The following RGP1 variants were observed in gnomAD, a reference collection of about 807,000 sequenced individuals.
RGP1 encodes RAB6A-GEF complex partner protein 2.
RGP1 carries 28 observed loss-of-function variants against 44.5 expected under a neutral mutation model. That is an observed-to-expected ratio of 0.63 (90% CI 0.47 to 0.86). RGP1 has a LOEUF of 0.86. Ranked by LOEUF, RGP1 falls within the 40% of genes least tolerant of loss-of-function variation. RGP1 has a pLI of 0.00. For missense variants in RGP1, 417 were observed against 490.7 expected (o/e 0.85, Z 1.42); for synonymous variants, 212 against 196.7 (o/e 1.08, Z -0.65).
At chr9:35,768,508 G>A in the RGP1 span, among the ~76,000 whole-genome samples, 1 of 152,158 alleles carries the variant, frequency 6.6e-6, no homozygotes, top group African/African-American at 2.4e-5. Context: ...GCATCTGAGG[G>A]GTGCAATAGG....
the RGP1 span, among the ~76,000 whole-genome samples, chr9:35,765,125 A>T: frequency 6.6e-6 from 1 of 150,666 alleles, no homozygotes; most frequent in African/African-American, 2.4e-5. Flanking sequence ...TCTGTCTCAA[A>T]AAAAAAAAAA....
chr9:35,783,608 G>A, the RGP1 span, among the ~76,000 whole-genome samples: 1 of 151,898 alleles, frequency 6.6e-6, no homozygotes, highest in Admixed American at 6.6e-5. Flanking sequence ...CTATGCTGCT[G>A]CAAATGACAG....
At position 35,757,212 on chromosome 9, in the gene RGP1, A is replaced by T. The variant is rs959759922; in HGVS notation, c.*4338A>T. ...CTGGCCCTCTGGTGAGTCACAGCCG[A>T]CCCCCGCCGCCGGAGGGAGAGGGGA... is the stretch of plus-strand genomic sequence containing the variant. On this transcript the variant is annotated 3_prime_UTR_variant, in exon 9 of 9. Coordinates refer to ENST00000378078, the MANE Select transcript of RGP1 (RefSeq NM_001080496.3). 1 of 150,794 alleles carries T rather than the reference A, an allele frequency of 6.6e-6. No homozygotes were observed. Among genetic ancestry groups the T allele is most frequent in the Non-Finnish European group, 1.5e-5 (1 of 67,764 alleles). 9.3% of individuals were successfully genotyped at this position (150,794 alleles called of 1,614,324 possible).
At position 35,753,371 on chromosome 9, in the gene RGP1, C is replaced by CA; in HGVS notation, c.*498dup. 7.0e-7 allele frequency: 1 copy of CA among 1,425,546 alleles called. No individual in the cohort carries two copies. The highest frequency in any genetic ancestry group is 2.0e-5 in the Admixed American group (1 of 49,452). 88.3% of individuals were successfully genotyped at this position (1,425,546 alleles called of 1,614,324 possible). ...GTTCCCTCTCTCACAGTTTTCCCCCCACAGAGCCCCTTTCAGTGGCCCCTT... is the reference window on the plus strand; with the variant it reads ...GTTCCCTCTCTCACAGTTTTCCCCCCAACAGAGCCCCTTTCAGTGGCCCCTT... On this transcript the variant is annotated 3_prime_UTR_variant, in exon 9 of 9. Transcript: ENST00000378078. This position sits in a 1 kb window ranked among gnomAD's most constrained non-coding sequence, Gnocchi z 4.2.
the RGP1 span, among the ~76,000 whole-genome samples, chr9:35,783,881 A>G: frequency 2.0e-5 from 3 of 152,210 alleles, no homozygotes; most frequent in Non-Finnish European, 4.4e-5. Context: ...GTTTTTCATT[A>G]TGGCGATACT....
At chr9:35,784,025 T>TC in the RGP1 span, among the ~76,000 whole-genome samples, 6 of 152,232 alleles carry the variant, frequency 3.9e-5, no homozygotes, top group Non-Finnish European at 5.9e-5. Flanking sequence ...GATTTGCATT[T>TC]CCCTGATGAT....
rs1471212523 is a variant in RGP1 at position 35,749,305 on chromosome 9, C to T, written c.-123C>T. 8 of 520,622 alleles carry T rather than the reference C, an allele frequency of 1.5e-5. No individual in the cohort carries two copies. Among genetic ancestry groups the T allele is most frequent in the South Asian group, 4.3e-5 (3 of 70,020 alleles). The allele number at this position is 520,622 out of a possible 1,614,324, so 32.3% of individuals were successfully genotyped here. Reference sequence around the variant, plus strand: ...GAAGGGAAGTCCCGCCTCTACCGCCCAGCGGACGCCGCCGCCGCCGCCGCC... The same window carrying T: ...GAAGGGAAGTCCCGCCTCTACCGCCTAGCGGACGCCGCCGCCGCCGCCGCC... On this transcript the variant is annotated 5_prime_UTR_variant, in exon 1 of 9. Transcript: ENST00000378078. The surrounding 1 kb of genome is among the most constrained non-coding windows in gnomAD (Gnocchi z 4.4).
In RGP1 at chr9:35,755,537, GA is replaced by G. The variant is rs1827346957; in HGVS notation, c.*2664del. The G allele has an allele frequency of 6.6e-6, 1 of 152,300 alleles. No homozygotes were observed. Among genetic ancestry groups the G allele is most frequent in the African/African-American group, 2.4e-5 (1 of 41,440 alleles). 9.4% of individuals were successfully genotyped at this position (152,300 alleles called of 1,614,324 possible). ...ATTTTTCCACCAGTGGATGGAGGGG[GA>G]TAGCAGCGGGGAGATGATTTTGGGA... On this transcript the variant is annotated 3_prime_UTR_variant, in exon 9 of 9. Coordinates refer to ENST00000378078, the MANE Select transcript of RGP1 (RefSeq NM_001080496.3).
At chr9:35,761,596 C>T (rs1365130590), downstream of RGP1, among the ~76,000 whole-genome samples, 1 of 151,938 alleles carries the variant, frequency 6.6e-6, no homozygotes, top group Non-Finnish European at 1.5e-5. Flanking sequence ...ATCACTTGAG[C>T]CTGGGAGGTC....
chr9:35,777,662 C>G, the RGP1 span, among the ~76,000 whole-genome samples: 1 of 152,134 alleles, frequency 6.6e-6, no homozygotes, highest in African/African-American at 2.4e-5. Context: ...AACTCTTCTT[C>G]TTCAGACCTA....
chr9:35,749,487 C>T lies in RGP1; in HGVS notation c.-20+79C>T. The T allele has an allele frequency of 1.5e-6, 1 of 646,132 alleles. No individual in the cohort carries two copies. Among genetic ancestry groups the T allele is most frequent in the Non-Finnish European group, 3.0e-6 (1 of 337,922 alleles). The allele number at this position is 646,132 out of a possible 1,614,324, so 40.0% of individuals were successfully genotyped here. ...AGCGGAGGCCAGTTTGGGAACTCCG[C>T]GGGGGTGCCCAGGGAGAAGAACCCG... On this transcript the variant is annotated intron_variant, in intron 1 of 8. Coordinates refer to ENST00000378078, the MANE Select transcript of RGP1 (RefSeq NM_001080496.3). This position sits in a 1 kb window ranked among gnomAD's most constrained non-coding sequence, Gnocchi z 4.4.
chr9:35,753,169 T>C lies in RGP1; in HGVS notation c.*295T>C. The C allele has an allele frequency of 6.2e-7, 1 of 1,614,060 alleles. No individual in the cohort carries two copies. Among genetic ancestry groups the C allele is most frequent in the East Asian group, 2.2e-5 (1 of 44,874 alleles). On this transcript the variant is annotated 3_prime_UTR_variant, in exon 9 of 9. Coordinates refer to ENST00000378078, the MANE Select transcript of RGP1 (RefSeq NM_001080496.3). This position sits in a 1 kb window ranked among gnomAD's most constrained non-coding sequence, Gnocchi z 4.2. ...CTGAGCCCCATTCTGGGTCAGGCCC[T>C]CCCCCTTTGCAGGGCAGCCGAGGGT...
the RGP1 span, among the ~76,000 whole-genome samples, chr9:35,764,456 T>C: frequency 9.8e-5 from 15 of 152,364 alleles, no homozygotes; most frequent in South Asian, 2.7e-3. Flanking sequence ...CCAGCTACTA[T>C]TGATAACAAA....
downstream of RGP1, among the ~76,000 whole-genome samples, chr9:35,762,812 T>G (rs2132043937): frequency 6.6e-6 from 1 of 151,988 alleles, no homozygotes; most frequent in Admixed American, 6.6e-5. Context: ...TTAAACGTAC[T>G]GGCTTCCTTG....
In RGP1 at chr9:35,751,419, A is replaced by T. The variant is rs764991994; in HGVS notation, c.634+7A>T. Reference sequence around the variant, plus strand: ...ACATCCTGCCGCAGCCTCCGTGAGAATTCTTTCAGAATTGTCCTACCCCAT... The same window carrying T: ...ACATCCTGCCGCAGCCTCCGTGAGATTTCTTTCAGAATTGTCCTACCCCAT... On this transcript the variant is annotated splice_region_variant and intron_variant, in intron 6 of 8. Coordinates refer to ENST00000378078, the MANE Select transcript of RGP1 (RefSeq NM_001080496.3). The T allele has an allele frequency of 6.2e-7, 1 of 1,613,960 alleles. No individual in the cohort carries two copies. The highest frequency in any genetic ancestry group is 1.1e-5 in the South Asian group (1 of 91,078).
intron 3 of RGP1, 100 bp downstream of exon 3, chr9:35,750,479 A>T (rs1827230084): frequency 7.1e-7 from 1 of 1,411,784 alleles, no homozygotes; most frequent in Non-Finnish European, 9.8e-7. Context: ...TTGTTCTTAT[A>T]GTCCCTGTCA....
rs1398213633 is a variant in RGP1, at chr9:35,749,354, G to T, written c.-74G>T. ...CCGCCGCGTACCTAGCCAGGTCCCTGAGGGGCGGGCAGATGAGGCCTAGGG... is the reference window on the plus strand; with the variant it reads ...CCGCCGCGTACCTAGCCAGGTCCCTTAGGGGCGGGCAGATGAGGCCTAGGG... On this transcript the variant is annotated 5_prime_UTR_variant, in exon 1 of 9. Coordinates refer to ENST00000378078, the MANE Select transcript of RGP1 (RefSeq NM_001080496.3). The surrounding 1 kb of genome is among the most constrained non-coding windows in gnomAD (Gnocchi z 4.4). 1.9e-6 allele frequency: 1 copy of T among 539,362 alleles called. No individual in the cohort carries two copies. The highest frequency in any genetic ancestry group is 3.8e-6 in the Non-Finnish European group (1 of 263,512). 33.4% of individuals were successfully genotyped at this position (539,362 alleles called of 1,614,324 possible). A position where few individuals can be genotyped will look rare whatever the true frequency, so the allele number is the denominator to read the frequency against.
Position 35,753,118 on chromosome 9 carries a change from A to G in RGP1, c.*244A>G. 1 of 1,614,068 alleles carries G rather than the reference A, an allele frequency of 6.2e-7. No homozygotes were observed. The highest frequency in any genetic ancestry group is 8.5e-7 in the Non-Finnish European group (1 of 1,179,926). On this transcript the variant is annotated 3_prime_UTR_variant, in exon 9 of 9. Transcript: ENST00000378078. This position sits in a 1 kb window ranked among gnomAD's most constrained non-coding sequence, Gnocchi z 4.2. ...GTTGAGTTTAGCTGGAGTGGGGAGC[A>G]GGAGCCCCAGGAACAGGGGTGTTGG...
chr9:35,765,850 T>A, the RGP1 span, among the ~76,000 whole-genome samples: 1 of 150,434 alleles, frequency 6.6e-6, no homozygotes. Context: ...TTTTTTTTTT[T>A]ATGAGACAGA....
Sources: gnomAD v4.1 joint callset for allele counts (sites outside exome capture counted in the v4.1 genomes callset) on GRCh38, gnomAD v4.1.1 for gene constraint, Gnocchi (gnomAD v3.1) non-coding constraint, MANE v1.5 for transcripts, NCBI Gene and HGNC (gene_info 2026-07-23, HGNC 2026-07-21) for gene names.